USP46: variants seen among roughly 807,000 people sequenced by gnomAD.
USP46 encodes the protein ubiquitin specific peptidase 46.
USP46 carries 12 observed loss-of-function variants against 44.4 expected under a neutral mutation model. That is an observed-to-expected ratio of 0.27 (90% CI 0.17 to 0.44). USP46 has a LOEUF of 0.44. Among genes scored for constraint, USP46 ranks in the 20% least tolerant of loss-of-function variants. USP46 has a pLI of 1.00. For missense variants in USP46, 248 were observed against 444.8 expected, an observed-to-expected ratio of 0.56 and a Z score of 3.98; for synonymous variants, 155 against 161.5, an observed-to-expected ratio of 0.96 and a Z score of 0.31.
chr4:52,634,974 A>T (rs1259368090), intron 1 of USP46, among the ~76,000 whole-genome samples: 1 of 151,244 alleles, frequency 6.6e-6, no homozygotes, highest in Non-Finnish European at 1.5e-5. Context: ...CACTTCAGCT[A>T]CCCCTCCCAT....
chr4:52,619,783 G>A (rs1717313193), intron 4 of USP46, among the ~76,000 whole-genome samples: 1 of 152,148 alleles, frequency 6.6e-6, no homozygotes, highest in African/African-American at 2.4e-5. Context: ...CAACTGGCTA[G>A]GATATCATAG....
intron 3 of USP46, among the ~76,000 whole-genome samples, chr4:52,627,118 T>C (rs190930108): frequency 1.4e-4 from 21 of 152,210 alleles, no homozygotes; most frequent in Non-Finnish European, 3.1e-4. Context: ...CAATCAGAGA[T>C]GAATGCAGCT....
At chr4:52,647,203 A>C (rs1337289896) in intron 1 of USP46, among the ~76,000 whole-genome samples, 1 of 152,218 alleles carries the variant, frequency 6.6e-6, no homozygotes, top group Non-Finnish European at 1.5e-5. Flanking sequence ...CACAAACAGC[A>C]AGGGGCAGAT....
chr4:52,604,926 A>C (rs1422498463), intron 5 of USP46, among the ~76,000 whole-genome samples: 4 of 152,218 alleles, frequency 2.6e-5, no homozygotes, highest in Admixed American at 2.0e-4. Context: ...TTTAATGGAG[A>C]ATACCTATAA....
At chr4:52,630,710 C>T (rs1717787299) in intron 2 of USP46, among the ~76,000 whole-genome samples, 1 of 147,372 alleles carries the variant, frequency 6.8e-6, no homozygotes, top group Non-Finnish European at 1.5e-5. Context: ...GCACTCCAAC[C>T]TGAGCGACAG....
chr4:52,619,977 A>G (rs1018806383), intron 4 of USP46, among the ~76,000 whole-genome samples: 2 of 152,196 alleles, frequency 1.3e-5, no homozygotes, highest in African/African-American at 2.4e-5. Flanking sequence ...CATTTTCCAG[A>G]AAGACATACC....
intron 3 of USP46, among the ~76,000 whole-genome samples, chr4:52,627,162 G>A (rs985482062): frequency 3.9e-5 from 6 of 152,172 alleles, no homozygotes; most frequent in African/African-American, 1.2e-4. Context: ...TTCACAACTC[G>A]ACAGAGTGCT....
intron 4 of USP46, among the ~76,000 whole-genome samples, chr4:52,611,101 A>C (rs1716917427): frequency 6.6e-6 from 1 of 152,164 alleles, no homozygotes; most frequent in Admixed American, 6.5e-5. Context: ...GTGGTGGGCC[A>C]GGGAGCCTGA....
At chr4:52,634,024 GT>G (rs1266044651) in intron 1 of USP46, among the ~76,000 whole-genome samples, 3 of 152,184 alleles carry the variant, frequency 2.0e-5, no homozygotes, top group African/African-American at 7.2e-5. Context: ...ATCTGCAAGG[GT>G]CATGAGGAGA....
chr4:52,625,253 C>T (rs1031118383), intron 4 of USP46, among the ~76,000 whole-genome samples: 7 of 152,038 alleles, frequency 4.6e-5, no homozygotes, highest in Non-Finnish European at 7.4e-5. Context: ...TGGGCATTCT[C>T]ATCATCCCTA....
At chr4:52,602,087 C>T (rs1716494191) in intron 6 of USP46, 33 bp from the exon 7 acceptor site, 1 of 1,593,506 alleles carries the variant, frequency 6.3e-7, no homozygotes, top group South Asian at 1.1e-5. Context: ...ATCAGTTGTA[C>T]CCAACACCTA....
chr4:52,648,916 G>A (rs1437212618), intron 1 of USP46, among the ~76,000 whole-genome samples: 1 of 152,126 alleles, frequency 6.6e-6, no homozygotes, highest in Non-Finnish European at 1.5e-5. Flanking sequence ...TTTTCTCTTT[G>A]AAAAGTATCT....
intron 1 of USP46, among the ~76,000 whole-genome samples, chr4:52,644,090 C>A (rs1012761562): frequency 2.6e-5 from 4 of 152,174 alleles, no homozygotes; most frequent in Non-Finnish European, 5.9e-5. Context: ...AACATATCAC[C>A]ACGGAGCCCC....
intron 1 of USP46, among the ~76,000 whole-genome samples, chr4:52,632,981 A>AAAGG (rs1717942683): frequency 1.6e-5 from 1 of 63,394 alleles, no homozygotes; most frequent in African/African-American, 8.0e-5. Context: ...AGAAAGAAAG[A>AAAGG]AAGAAAAGAA....
intron 5 of USP46, among the ~76,000 whole-genome samples, chr4:52,608,781 T>C (rs1209985072): frequency 6.6e-6 from 1 of 152,198 alleles, no homozygotes; most frequent in Non-Finnish European, 1.5e-5. Context: ...CTCCAATGCT[T>C]CCCAATAACC....
intron 1 of USP46, among the ~76,000 whole-genome samples, chr4:52,641,216 G>A (rs553042470): frequency 3.9e-5 from 6 of 152,242 alleles, no homozygotes; most frequent in South Asian, 2.1e-4. Context: ...ACAAAGTACC[G>A]ATCTTGGGGG....
At chr4:52,602,369 T>C (rs1172911250) in intron 6 of USP46, among the ~76,000 whole-genome samples, 1 of 152,068 alleles carries the variant, frequency 6.6e-6, no homozygotes, top group African/African-American at 2.4e-5. Flanking sequence ...CAGAGAGAAA[T>C]GATATTTGGA....
intron 4 of USP46, among the ~76,000 whole-genome samples, chr4:52,624,334 T>A (rs116299192): frequency 3.3e-5 from 5 of 152,272 alleles, no homozygotes; most frequent in African/African-American, 1.2e-4. Context: ...TATTGGCATA[T>A]TTATGTGCAG....
intron 1 of USP46, among the ~76,000 whole-genome samples, chr4:52,634,382 G>A (rs568733723): frequency 7.3e-5 from 11 of 149,816 alleles, no homozygotes; most frequent in African/African-American, 2.2e-4. Context: ...GGTGGCAGCC[G>A]CCTGTAATCC....
Sources: gnomAD v4.1 joint callset for allele counts (sites outside exome capture counted in the v4.1 genomes callset) on GRCh38, gnomAD v4.1.1 for gene constraint, MANE v1.5 for transcripts, NCBI Gene and HGNC (gene_info 2026-07-23, HGNC 2026-07-21) for gene names.